SLC25A10: variants seen among roughly 807,000 people sequenced by gnomAD.
SLC25A10 encodes the protein mitochondrial dicarboxylate carrier.
SLC25A10 carries 32 observed loss-of-function variants against 40.4 expected under a neutral mutation model. The ratio of observed to expected loss-of-function variants is 0.79; its 90% CI spans 0.60 to 1.06. SLC25A10 has a LOEUF of 1.06. SLC25A10 is among the 50% of genes least tolerant of loss of function. The probability of loss-of-function intolerance (pLI) is 0.00; values close to 1 mark genes in which losing one functional copy is unlikely to be tolerated. For missense variants in SLC25A10, 394 were observed against 402.6 expected (o/e 0.98, Z 0.18); for synonymous variants, 181 against 171.1 (o/e 1.06, Z -0.45).
intron 1 of SLC25A10, chr17:81,713,231 A>C: frequency 6.6e-6 from 1 of 152,638 alleles, no homozygotes; most frequent in Non-Finnish European, 1.4e-5. Flanking sequence ...CTTATGGGGC[A>C]AAATAAGACA....
chr17:81,715,093 T>C (rs1479181612), intron 2 of SLC25A10, 21 bp downstream of exon 2: 5 of 1,605,572 alleles, frequency 3.1e-6, no homozygotes, highest in African/African-American at 1.3e-5. Context: ...TGTGCCAGCC[T>C]TGGGCTCCCA....
At chr17:81,715,778 C>T in intron 4 of SLC25A10, 37 bp downstream of exon 4, 1 of 1,611,770 alleles carries the variant, frequency 6.2e-7, no homozygotes, top group Non-Finnish European at 8.5e-7. Flanking sequence ...AGGCCAGGGG[C>T]TTTCTTGTCC....
chr17:81,715,870 C>T (rs1423632388), intron 4 of SLC25A10, 129 bp downstream of exon 4: 2 of 1,432,812 alleles, frequency 1.4e-6, no homozygotes, highest in Non-Finnish European at 2.0e-6. Flanking sequence ...GTGTCCTGGG[C>T]ATAGGAGGGT....
rs891106429 is a variant in SLC25A10, at chr17:81,720,311, G to T, written c.*234G>T. ...TACCAGGCTCTCCCGGCTGGGCACT[G>T]CGTGGCCTTGCCCCTCTCCCGCTGG... is the stretch of plus-strand genomic sequence containing the variant. On this transcript the variant is annotated 3_prime_UTR_variant, in exon 11 of 11. Transcript: ENST00000350690. 2.1e-5 allele frequency: 30 copies of T among 1,433,658 alleles called. No individual in the cohort carries two copies. The African/African-American group carries it at 3.7e-4, about 18-fold the overall frequency. The allele number at this position is 1,433,658 out of a possible 1,614,324, so 88.8% of individuals were successfully genotyped here. A position where few individuals can be genotyped will look rare whatever the true frequency, so the allele number is the denominator to read the frequency against.
At chr17:81,713,839 C>T (rs1287399199) in intron 1 of SLC25A10, among the ~76,000 whole-genome samples, 2 of 152,234 alleles carry the variant, frequency 1.3e-5, no homozygotes, top group Admixed American at 6.5e-5. Flanking sequence ...AGAACACCGC[C>T]TGGGGGAGGC....
intron 1 of SLC25A10, 104 bp from the exon 2 acceptor site, chr17:81,714,849 G>A: frequency 6.7e-7 from 1 of 1,496,378 alleles, no homozygotes; most frequent in Non-Finnish European, 9.0e-7. Flanking sequence ...CAGGGCCGTG[G>A]GAGGCCTTAT....
In SLC25A10 at chr17:81,720,708, G is replaced by A. The variant is rs1011879471; in HGVS notation, c.*631G>A. On this transcript the variant is annotated 3_prime_UTR_variant, in exon 11 of 11. Transcript: ENST00000350690. ...GGGTCGAGGGCCACCGAGGTCCCGC[G>A]CACCGCTGCCTGCCCTGCAGTGGCT... 7.3e-6 allele frequency: 3 copies of A among 410,936 alleles called. No individual in the cohort carries two copies. The highest frequency in any genetic ancestry group is 3.6e-5 in the East Asian group (1 of 27,918). The allele number at this position is 410,936 out of a possible 1,614,324, so 25.5% of individuals were successfully genotyped here.
In SLC25A10 at chr17:81,720,185, C is replaced by T. The variant is rs2037565303; in HGVS notation, c.*108C>T. 1 of 1,525,486 alleles carries T rather than the reference C, an allele frequency of 6.6e-7. No homozygotes were observed. The highest frequency in any genetic ancestry group is 1.4e-5 in the African/African-American group (1 of 72,624). 94.5% of individuals were successfully genotyped at this position (1,525,486 alleles called of 1,614,324 possible). On this transcript the variant is annotated 3_prime_UTR_variant, in exon 11 of 11. Transcript: ENST00000350690. ...GCCACGACCTCCCTGGCCGTGGCCA[C>T]CCGTCCTCCGCAGCAGGCCCCTGCT... is the stretch of plus-strand genomic sequence containing the variant.
intron 9 of SLC25A10, among the ~76,000 whole-genome samples, chr17:81,718,979 T>C (rs1444894199): frequency 6.6e-6 from 1 of 151,442 alleles, no homozygotes; most frequent in Non-Finnish European, 1.5e-5. Flanking sequence ...AAAACACATT[T>C]CTTTTCTTTC....
intron 8 of SLC25A10, 106 bp downstream of exon 8, chr17:81,717,597 G>A: frequency 7.2e-7 from 1 of 1,396,468 alleles, no homozygotes; most frequent in Non-Finnish European, 1.0e-6. Context: ...TTGGGCATCT[G>A]GCAGTGCCCC....
At chr17:81,717,890 G>T (rs1258915970) in intron 9 of SLC25A10, 29 bp downstream of exon 9, 2 of 1,552,878 alleles carry the variant, frequency 1.3e-6, no homozygotes, top group Non-Finnish European at 1.8e-6. Context: ...GTGCAGTTGG[G>T]CTGCACAGCC....
chr17:81,717,285 C>A, intron 7 of SLC25A10, 114 bp from the exon 8 acceptor site: 1 of 1,151,312 alleles, frequency 8.7e-7, no homozygotes, highest in Non-Finnish European at 1.3e-6. Context: ...GCCTCACGGA[C>A]GGACAGACGG....
intron 5 of SLC25A10, 64 bp from the exon 6 acceptor site, chr17:81,716,748 A>AGGACCCTCT (rs2037494396): frequency 6.5e-7 from 1 of 1,539,792 alleles, no homozygotes; most frequent in South Asian, 1.2e-5. Context: ...GGGGCCTGGG[A>AGGACCCTCT]GGACCCTCTG....
At chr17:81,719,485 C>G (rs910257701) in intron 9 of SLC25A10, among the ~76,000 whole-genome samples, 22 of 152,342 alleles carry the variant, frequency 1.4e-4, no homozygotes, top group Middle Eastern at 3.4e-3. Context: ...TCCACGTTTG[C>G]AGAGCCCATA....
intron 4 of SLC25A10, 37 bp from the exon 5 acceptor site, chr17:81,715,972 G>GCCCCCCC: frequency 6.5e-7 from 1 of 1,540,424 alleles, no homozygotes; most frequent in Non-Finnish European, 8.8e-7. Flanking sequence ...ATGCCCCTCG[G>GCCCCCCC]CCCGCCCGCC....
chr17:81,715,255 C>T (rs1042148821), intron 2 of SLC25A10, among the ~76,000 whole-genome samples, 183 bp downstream of exon 2: 1 of 152,372 alleles, frequency 6.6e-6, no homozygotes, highest in Non-Finnish European at 1.5e-5. Flanking sequence ...GGCCTGAGAC[C>T]GCCACTTACT....
rs2037396309 is a variant in SLC25A10 at position 81,712,347 on chromosome 17, G to C, written c.-80G>C. 1 of 969,458 alleles carries C rather than the reference G, an allele frequency of 1.0e-6. No individual in the cohort carries two copies. The allele number at this position is 969,458 out of a possible 1,614,324, so 60.1% of individuals were successfully genotyped here. On this transcript the variant is annotated 5_prime_UTR_variant, in exon 1 of 11. Coordinates refer to ENST00000350690, the MANE Select transcript of SLC25A10 (RefSeq NM_012140.5). The stretch of plus-strand genomic sequence containing the variant: ...TTGAACCGGGCGCGGGGCGCGGGGC[G>C]CGGGGCGCTGCGGCCGGTACACGCC...
chr17:81,713,563 C>G, intron 1 of SLC25A10: 1 of 887,520 alleles, frequency 1.1e-6, no homozygotes, highest in Non-Finnish European at 1.4e-6. Context: ...TGGGAGAGGC[C>G]TTCAGAGCTC....
rs2037575632 is a variant in SLC25A10, at chr17:81,720,711, C to T, written c.*634C>T. ...TCGAGGGCCACCGAGGTCCCGCGCA[C>T]CGCTGCCTGCCCTGCAGTGGCTTTA... On this transcript the variant is annotated 3_prime_UTR_variant, in exon 11 of 11. Transcript: ENST00000350690. The T allele has an allele frequency of 1.5e-5, 6 of 406,266 alleles. No homozygotes were observed. Among genetic ancestry groups the T allele is most frequent in the Admixed American group, 1.3e-4 (3 of 23,614 alleles). 25.2% of individuals were successfully genotyped at this position (406,266 alleles called of 1,614,324 possible).
Sources: allele counts gnomAD v4.1 joint callset (sites outside exome capture counted in the v4.1 genomes callset), GRCh38; gene constraint gnomAD v4.1.1; transcripts MANE v1.5; gene names NCBI Gene and HGNC (gene_info 2026-07-23, HGNC 2026-07-21).